Variants in MTCL3 observed in about 807,000 individuals in gnomAD.
MTCL3 encodes microtubule cross-linking factor 3.
chr6:127,506,348 G>A, the MTCL3 span, among the ~76,000 whole-genome samples: 1 of 152,056 alleles, frequency 6.6e-6, no homozygotes, highest in Non-Finnish European at 1.5e-5. Flanking sequence ...TTGCCCCAGA[G>A]GCCTCACATA....
At chr6:127,516,253 A>G in the MTCL3 span, 6 of 1,454,900 alleles carry the variant, frequency 4.1e-6, no homozygotes, top group Non-Finnish European at 5.4e-6. Flanking sequence ...AGCACCAGCC[A>G]CAGGCTGGAC....
chr6:127,518,647 G>A, the MTCL3 span: 2 of 152,238 alleles, frequency 1.3e-5, no homozygotes, highest in South Asian at 2.1e-4. Flanking sequence ...ATATTCCGGG[G>A]ATCTCAGGGT....
the MTCL3 span, among the ~76,000 whole-genome samples, chr6:127,488,659 A>G: frequency 5.9e-5 from 9 of 152,346 alleles, no homozygotes; most frequent in African/African-American, 2.2e-4. Context: ...AAAAAGCTGG[A>G]ATATAAAATG....
At chr6:127,512,893 CTT>C in the MTCL3 span, 1 of 1,609,842 alleles carries the variant, frequency 6.2e-7, no homozygotes, top group Non-Finnish European at 8.5e-7. Context: ...ATACTAACCT[CTT>C]TCATTTTTTC....
the MTCL3 span, chr6:127,517,450 A>G: frequency 6.6e-6 from 1 of 152,196 alleles, no homozygotes; most frequent in African/African-American, 2.4e-5. Context: ...TTTTTAAAAT[A>G]CATTTGGAAA....
At chr6:127,515,661 G>T in the MTCL3 span, 1 of 1,498,470 alleles carries the variant, frequency 6.7e-7, no homozygotes. This position sits in a 1 kb window ranked among gnomAD's most constrained non-coding sequence, Gnocchi z 4.3. Context: ...CGCTCTGCTG[G>T]GGGCCCTCCG....
At chr6:127,473,325 T>C in the MTCL3 span, 7 of 1,544,636 alleles carry the variant, frequency 4.5e-6, no homozygotes, top group Admixed American at 8.9e-5. Flanking sequence ...AGTTTAAATA[T>C]TGTTGTGTAA....
At chr6:127,515,076 A>T in the MTCL3 span, 1 of 1,601,054 alleles carries the variant, frequency 6.2e-7, no homozygotes, top group Non-Finnish European at 8.5e-7. This position sits in a 1 kb window ranked among gnomAD's most constrained non-coding sequence, Gnocchi z 4.3. Flanking sequence ...GCGTGTCAAA[A>T]TCAAACTCGC....
chr6:127,516,159 G>T, the MTCL3 span: 6 of 1,442,098 alleles, frequency 4.2e-6, no homozygotes, highest in South Asian at 1.5e-5. Context: ...TCGAGGGCAC[G>T]GACTCTAGCT....
the MTCL3 span, among the ~76,000 whole-genome samples, chr6:127,506,281 T>G: frequency 6.6e-6 from 1 of 152,232 alleles, no homozygotes; most frequent in Non-Finnish European, 1.5e-5. Flanking sequence ...GATGGTTGCA[T>G]GTAGAGTCTG....
chr6:127,487,618 G>T, the MTCL3 span, among the ~76,000 whole-genome samples: 1 of 152,160 alleles, frequency 6.6e-6, no homozygotes, highest in African/African-American at 2.4e-5. Context: ...GGCAGAACAG[G>T]TGAAGTGCCC....
chr6:127,500,411 C>A, the MTCL3 span, among the ~76,000 whole-genome samples: 15 of 152,156 alleles, frequency 9.9e-5, no homozygotes, highest in Non-Finnish European at 1.9e-4. Flanking sequence ...CCTGAAAAAT[C>A]ATGTCAAGTA....
At chr6:127,490,446 A>G in the MTCL3 span, among the ~76,000 whole-genome samples, 7 of 152,086 alleles carry the variant, frequency 4.6e-5, no homozygotes, top group Admixed American at 3.3e-4. Context: ...GCTGCCAGGT[A>G]GTGATTCTTA....
chr6:127,506,581 C>T, the MTCL3 span, among the ~76,000 whole-genome samples: 3 of 152,046 alleles, frequency 2.0e-5, no homozygotes, highest in East Asian at 1.9e-4. Flanking sequence ...CCCCCTCCCC[C>T]GTCTTTATTT....
At chr6:127,494,979 C>T in the MTCL3 span, among the ~76,000 whole-genome samples, 3 of 152,156 alleles carry the variant, frequency 2.0e-5, no homozygotes, top group East Asian at 3.9e-4. Context: ...GGGCAGACCA[C>T]GAGGTCAGGA....
At chr6:127,479,047 G>C in the MTCL3 span, among the ~76,000 whole-genome samples, 2 of 151,642 alleles carry the variant, frequency 1.3e-5, no homozygotes, top group East Asian at 1.9e-4. Context: ...AAAGAGAAAG[G>C]GGGAGACAGG....
At chr6:127,494,838 T>C in the MTCL3 span, among the ~76,000 whole-genome samples, 3 of 152,166 alleles carry the variant, frequency 2.0e-5, no homozygotes, top group Non-Finnish European at 4.4e-5. Context: ...GTTGGCACCA[T>C]GCAAAAGCCT....
chr6:127,504,080 G>A, the MTCL3 span, among the ~76,000 whole-genome samples: 1 of 151,994 alleles, frequency 6.6e-6, no homozygotes, highest in African/African-American at 2.4e-5. Context: ...GTTTCAGCAG[G>A]AAAAAGTTAT....
At chr6:127,516,125 C>G in the MTCL3 span, 3 of 1,460,488 alleles carry the variant, frequency 2.1e-6, no homozygotes, top group Non-Finnish European at 2.7e-6. Flanking sequence ...CCCCCTTCTC[C>G]GAGCGGAGGG....
Sources: allele counts gnomAD v4.1 joint callset (sites outside exome capture counted in the v4.1 genomes callset), GRCh38; gene constraint gnomAD v4.1.1; non-coding constraint Gnocchi (gnomAD v3.1); transcripts MANE v1.5; gene names NCBI Gene and HGNC (gene_info 2026-07-23, HGNC 2026-07-21).